POLR2F: variants seen among roughly 807,000 people sequenced by gnomAD.
POLR2F encodes the protein RNA polymerase II, I and III subunit F.
Under a neutral mutation model 22.7 loss-of-function variants are expected in POLR2F, and 12 were observed. The ratio of observed to expected loss-of-function variants is 0.53; its 90% CI spans 0.34 to 0.86. The LOEUF (loss-of-function observed/expected upper bound fraction) is 0.86, where lower values mean the gene tolerates loss of function less well. POLR2F is among the 40% of genes least tolerant of loss of function. POLR2F has a pLI of 0.02. For synonymous variants in POLR2F, 57 were observed against 66.0 expected (o/e 0.86, Z 0.66); for missense variants, 126 against 171.5 (o/e 0.73, Z 1.48).
intron 3 of POLR2F, among the ~76,000 whole-genome samples, chr22:37,961,867 C>T (rs1218139875): frequency 6.6e-6 from 1 of 152,044 alleles, no homozygotes; most frequent in African/African-American, 2.4e-5. Flanking sequence ...TCCCTATAGA[C>T]TGATGTGGGA....
intron 1 of POLR2F, among the ~76,000 whole-genome samples, chr22:38,006,927 C>T (rs2084826536): frequency 6.6e-6 from 1 of 152,192 alleles, no homozygotes; most frequent in Middle Eastern, 3.2e-3. Context: ...GATCACAGTC[C>T]AAGTTTCCAG....
chr22:38,039,790 G>C (rs994508513), intron 5 of POLR2F, among the ~76,000 whole-genome samples: 4 of 152,214 alleles, frequency 2.6e-5, no homozygotes, highest in African/African-American at 9.7e-5. Context: ...CAGGGCGAGG[G>C]CCATTGAGTT....
chr22:37,987,102 G>A (rs542529096), intron 1 of POLR2F: 8 of 456,670 alleles, frequency 1.8e-5, no homozygotes, highest in Non-Finnish European at 3.1e-5. Context: ...GTTTGTCACC[G>A]TCCATGGCAA....
At chr22:38,033,192 A>G (rs1350754445) in intron 5 of POLR2F, 1 of 152,576 alleles carries the variant, frequency 6.6e-6, no homozygotes, top group African/African-American at 2.4e-5. Flanking sequence ...AAATTAAAAA[A>G]AAAAGGAAGT....
At chr22:38,006,268 C>G (rs2084820530) in intron 1 of POLR2F, among the ~76,000 whole-genome samples, 1 of 152,100 alleles carries the variant, frequency 6.6e-6, no homozygotes, top group Admixed American at 6.5e-5. Flanking sequence ...AAACGCTGGT[C>G]TAGATGGAAT....
upstream of POLR2F, chr22:37,983,770 C>G (rs1256220050): frequency 2.0e-6 from 3 of 1,470,102 alleles, no homozygotes; most frequent in Admixed American, 6.8e-5. This position sits in a 1 kb window ranked among gnomAD's most constrained non-coding sequence, Gnocchi z 9.5. Flanking sequence ...CCGATAGGTC[C>G]TGCTCCTCCG....
intron 5 of POLR2F, among the ~76,000 whole-genome samples, chr22:38,035,876 C>T (rs2085111013): frequency 6.6e-6 from 1 of 152,144 alleles, no homozygotes; most frequent in African/African-American, 2.4e-5. Context: ...GATGAACCCA[C>T]AAAGCTCCAG....
chr22:38,037,732 A>G (rs2145837102), intron 5 of POLR2F, among the ~76,000 whole-genome samples: 1 of 152,130 alleles, frequency 6.6e-6, no homozygotes, highest in Middle Eastern at 3.4e-3. Context: ...AGCTGGGACT[A>G]CAGGCACGTG....
downstream of POLR2F, chr22:37,971,255 C>T (rs765904583): frequency 4.2e-6 from 2 of 471,028 alleles, no homozygotes; most frequent in African/African-American, 2.0e-5. Context: ...GATTCTGGCA[C>T]CAGCACTTCT....
At chr22:38,038,987 C>T (rs1221946036) in intron 5 of POLR2F, among the ~76,000 whole-genome samples, 2 of 152,128 alleles carry the variant, frequency 1.3e-5, no homozygotes, top group Non-Finnish European at 2.9e-5. Flanking sequence ...CCACCTTGCG[C>T]CCCCCAGGGA....
At position 37,953,906 on chromosome 22, in the gene POLR2F, C is replaced by G. The variant is rs767925143; in HGVS notation, c.20+99C>G. 3.6e-6 allele frequency: 5 copies of G among 1,378,154 alleles called. No individual in the cohort carries two copies. The East Asian group carries it at 1.2e-4, about 33-fold the overall frequency. 85.4% of individuals were successfully genotyped at this position (1,378,154 alleles called of 1,614,324 possible). A position where few individuals can be genotyped will look rare whatever the true frequency, so the allele number is the denominator to read the frequency against. On this transcript the variant is annotated intron_variant, in intron 1 of 4. Coordinates refer to ENST00000442738, the MANE Select transcript of POLR2F (RefSeq NM_021974.5). ...GGAGCCTGGCGTCTAGGGGCAATGT[C>G]TGAGGGGACTGGGGTCCTGAGGGGG...
In POLR2F at chr22:37,986,236, C is replaced by T; in HGVS notation, c.46C>T (p.Pro16Ser). The change falls in exon 1 of 3, where the codon CCC (proline) becomes TCC (serine). Residue 16 changes from proline to serine, a missense_variant. Physicochemically the swap from Pro to Ser is moderately conservative, Grantham distance 74 (BLOSUM62 -1). Transcript: ENST00000333418. This position sits in a 1 kb window ranked among gnomAD's most constrained non-coding sequence, Gnocchi z 4.7. ...GAGGGACGAGCATCTGCCGTCGTGT[C>T]CCGGCTGCCCTGCAGTCGCCTCCAA... is the stretch of plus-strand genomic sequence containing the variant. The T allele has an allele frequency of 6.5e-7, 1 of 1,540,956 alleles. No individual in the cohort carries two copies. Among genetic ancestry groups the T allele is most frequent in the South Asian group, 1.2e-5 (1 of 84,082 alleles).
intron 3 of POLR2F, among the ~76,000 whole-genome samples, chr22:37,963,344 A>G (rs538506452): frequency 2.0e-5 from 3 of 152,288 alleles, no homozygotes; most frequent in South Asian, 4.1e-4. Context: ...GCTGGAGTGC[A>G]GTGGTGCTAT....
chr22:38,033,468 C>G (rs981039326), intron 5 of POLR2F, among the ~76,000 whole-genome samples: 1 of 152,210 alleles, frequency 6.6e-6, no homozygotes, highest in Non-Finnish European at 1.5e-5. Flanking sequence ...TGGGGTAGGG[C>G]TGGTTCTGTA....
chr22:37,986,590 C>G lies in POLR2F; in HGVS notation c.120+278C>G. ...TCTGTCTGCAGGAAGCCACGCTAGA[C>G]AGAAGGGGCCACTCCCTCTCTCTCT... On this transcript the variant is annotated intron_variant, in intron 1 of 2. Transcript: ENST00000333418. This position sits in a 1 kb window ranked among gnomAD's most constrained non-coding sequence, Gnocchi z 4.7. 3 of 710,460 alleles carry G rather than the reference C, an allele frequency of 4.2e-6. 1 individual carries two copies. The allele number at this position is 710,460 out of a possible 1,614,324, so 44.0% of individuals were successfully genotyped here. A position where few individuals can be genotyped will look rare whatever the true frequency, so the allele number is the denominator to read the frequency against.
chr22:38,024,609 C>T (rs1056032322), intron 1 of POLR2F, among the ~76,000 whole-genome samples: 3 of 152,030 alleles, frequency 2.0e-5, no homozygotes, highest in Non-Finnish European at 2.9e-5. Flanking sequence ...ATGGGAAGGA[C>T]GGACACTTGG....
At chr22:37,961,110 A>C (rs916073024) in intron 3 of POLR2F, among the ~76,000 whole-genome samples, 2 of 151,922 alleles carry the variant, frequency 1.3e-5, no homozygotes, top group African/African-American at 4.8e-5. Context: ...TGGCCTCCCA[A>C]AGTACTGGGA....
chr22:37,998,666 G>A (rs969481857), intron 1 of POLR2F, among the ~76,000 whole-genome samples: 1 of 152,218 alleles, frequency 6.6e-6, no homozygotes, highest in African/African-American at 2.4e-5. Flanking sequence ...GACCGGCCAG[G>A]AGAAGGGTTA....
At chr22:38,015,295 G>A (rs2084906730) in intron 1 of POLR2F, among the ~76,000 whole-genome samples, 1 of 152,228 alleles carries the variant, frequency 6.6e-6, no homozygotes, top group East Asian at 1.9e-4. Flanking sequence ...AGGTGGTGGG[G>A]ATGGTTTGTG....
Sources: allele counts gnomAD v4.1 joint callset (sites outside exome capture counted in the v4.1 genomes callset), GRCh38; gene constraint gnomAD v4.1.1; non-coding constraint Gnocchi (gnomAD v3.1); transcripts MANE v1.5; gene names NCBI Gene and HGNC (gene_info 2026-07-23, HGNC 2026-07-21).